Variants in FAM227B observed in about 807,000 individuals in gnomAD.
FAM227B encodes protein FAM227B.
FAM227B carries 88 observed loss-of-function variants against 73.8 expected under a neutral mutation model. That is an observed-to-expected ratio of 1.19 (90% CI 1.00 to 1.42). The LOEUF (loss-of-function observed/expected upper bound fraction) is 1.42. Among genes scored for constraint, FAM227B ranks in the 40% most tolerant of loss-of-function variants. FAM227B has a pLI of 0.00. For synonymous variants in FAM227B, 210 were observed against 190.5 expected (o/e 1.10, Z -0.84); for missense variants, 632 against 590.9 (o/e 1.07, Z -0.72).
intron 13 of FAM227B, among the ~76,000 whole-genome samples, chr15:49,347,025 A>G (rs2041604759): frequency 6.6e-6 from 1 of 152,266 alleles, no homozygotes; most frequent in Non-Finnish European, 1.5e-5. Flanking sequence ...AGGAAATAAC[A>G]TCATTGTTGG....
chr15:49,341,313 A>C (rs572994497), intron 13 of FAM227B, among the ~76,000 whole-genome samples: 1 of 152,310 alleles, frequency 6.6e-6, no homozygotes, highest in Non-Finnish European at 1.5e-5. Flanking sequence ...ATTGGATAGA[A>C]ATAGCATTGA....
intron 11 of FAM227B, among the ~76,000 whole-genome samples, chr15:49,387,889 AAAAT>A (rs775784351): frequency 6.6e-5 from 10 of 151,798 alleles, no homozygotes; most frequent in Non-Finnish European, 1.5e-4. Context: ...CAAAAAGGAA[AAAAT>A]AAATAAAATA....
At chr15:49,545,944 A>ATTCTT (rs1555532175) in intron 9 of FAM227B, among the ~76,000 whole-genome samples, 2 of 125,102 alleles carry the variant, frequency 1.6e-5, no homozygotes, top group Non-Finnish European at 3.2e-5. Flanking sequence ...AGGAGTAGCT[A>ATTCTT]TTTTTTTTTT....
chr15:49,377,652 T>A (rs1272512743), intron 11 of FAM227B, among the ~76,000 whole-genome samples: 1 of 152,178 alleles, frequency 6.6e-6, no homozygotes, highest in Non-Finnish European at 1.5e-5. Flanking sequence ...CATTTGTACG[T>A]CTTCTTTTGA....
At chr15:49,522,184 A>T (rs1192228732) in intron 10 of FAM227B, among the ~76,000 whole-genome samples, 1 of 152,198 alleles carries the variant, frequency 6.6e-6, no homozygotes, top group East Asian at 1.9e-4. Context: ...TAAGCAAGGA[A>T]CCCGTAACAG....
At chr15:49,420,823 A>G (rs922262295) in intron 11 of FAM227B, among the ~76,000 whole-genome samples, 3 of 152,142 alleles carry the variant, frequency 2.0e-5, no homozygotes, top group Non-Finnish European at 2.9e-5. Context: ...TTCCTGCCTC[A>G]GCCTCCCGAG....
Position 49,355,746 on chromosome 15 carries a change from A to G in FAM227B, c.1271+11702T>C, listed in dbSNP as rs566259270. Among the ~76,000 whole-genome samples, 18 of 151,568 alleles carry G rather than the reference A, an allele frequency of 1.2e-4. 1 individual carries two copies. In the South Asian group the frequency reaches 3.3e-3, roughly 28 times the overall value. On this transcript the variant is annotated intron_variant, in intron 13 of 15. Coordinates refer to ENST00000299338, the MANE Select transcript of FAM227B (RefSeq NM_152647.3). ...ATTCAGGAAATACAGAGAACACCACAAAGATACTCCTCGAGAAGAGCAACT... is the reference window on the plus strand; with the variant it reads ...ATTCAGGAAATACAGAGAACACCACGAAGATACTCCTCGAGAAGAGCAACT...
At chr15:49,547,755 A>G (rs1353326898) in intron 9 of FAM227B, among the ~76,000 whole-genome samples, 1 of 152,252 alleles carries the variant, frequency 6.6e-6, no homozygotes, top group Non-Finnish European at 1.5e-5. Flanking sequence ...TAAAGCAATC[A>G]GTCCAACAGG....
intron 13 of FAM227B, among the ~76,000 whole-genome samples, chr15:49,337,484 A>AAAAG: frequency 3.6e-5 from 1 of 28,148 alleles, no homozygotes; most frequent in Non-Finnish European, 8.9e-5. Flanking sequence ...GACACTTGCA[A>AAAAG]TGTCTGTTCA....
At chr15:49,340,658 T>C (rs1181029627) in intron 13 of FAM227B, among the ~76,000 whole-genome samples, 1 of 152,220 alleles carries the variant, frequency 6.6e-6, no homozygotes, top group East Asian at 1.9e-4. Context: ...AGATTCTGGA[T>C]ATAAGAACTT....
intron 9 of FAM227B, among the ~76,000 whole-genome samples, chr15:49,556,363 G>A (rs1336063167): frequency 3.9e-5 from 6 of 152,162 alleles, no homozygotes; most frequent in Non-Finnish European, 7.3e-5. Flanking sequence ...GCACTCCTGG[G>A]CAGGGTGCTC....
chr15:49,548,801 G>A (rs1242940503), intron 9 of FAM227B, among the ~76,000 whole-genome samples: 3 of 152,078 alleles, frequency 2.0e-5, no homozygotes, highest in Non-Finnish European at 4.4e-5. Context: ...TAATTTATTG[G>A]CATACAGTTG....
At position 49,519,821 on chromosome 15, in the gene FAM227B, T is replaced by G. The variant is rs554364206; in HGVS notation, c.875-11473A>C. On this transcript the variant is annotated intron_variant, in intron 10 of 15. Transcript: ENST00000299338. ...CAATTAACAGTTGGCTCCTCATTAC[T>G]TATGCAAATTTCTGCAGCTGGTTTG... Among the ~76,000 whole-genome samples, 470 of 152,332 alleles carry G rather than the reference T, an allele frequency of 3.1e-3. 1 individual carries two copies. The highest frequency in any genetic ancestry group is 0.018 in the South Asian group (86 of 4,830).
At chr15:49,602,083 T>C (rs1263650559) in intron 3 of FAM227B, among the ~76,000 whole-genome samples, 1 of 152,210 alleles carries the variant, frequency 6.6e-6, no homozygotes, top group Non-Finnish European at 1.5e-5. Flanking sequence ...TTAGCTATTG[T>C]GAACAGTGCT....
chr15:49,584,641 A>C (rs1392952170), intron 5 of FAM227B, among the ~76,000 whole-genome samples: 1 of 152,194 alleles, frequency 6.6e-6, no homozygotes, highest in Non-Finnish European at 1.5e-5. Flanking sequence ...CCTTAAGCTG[A>C]TAAACAACTT....
chr15:49,552,398 T>C (rs2073139375), intron 9 of FAM227B, among the ~76,000 whole-genome samples: 1 of 152,180 alleles, frequency 6.6e-6, no homozygotes, highest in African/African-American at 2.4e-5. Flanking sequence ...TTTATCTTGC[T>C]GCTCTCAGGT....
intron 13 of FAM227B, among the ~76,000 whole-genome samples, chr15:49,345,501 A>AT (rs2041345437): frequency 1.3e-5 from 2 of 152,156 alleles, no homozygotes; most frequent in Admixed American, 1.3e-4. Context: ...ATAACTATAA[A>AT]TTTTTTCCGA....
chr15:49,604,838 T>C (rs1385218635), intron 3 of FAM227B, among the ~76,000 whole-genome samples: 2 of 152,018 alleles, frequency 1.3e-5, no homozygotes, highest in African/African-American at 4.8e-5. Context: ...TGAAGCTTTC[T>C]ATGGAATTTT....
intron 11 of FAM227B, among the ~76,000 whole-genome samples, chr15:49,396,717 G>A (rs1596861796): frequency 2.0e-5 from 3 of 149,486 alleles, no homozygotes; most frequent in African/African-American, 4.8e-5. Flanking sequence ...TAACTGGGAG[G>A]CACCCCCCAG....
Sources: gnomAD v4.1 joint callset for allele counts (sites outside exome capture counted in the v4.1 genomes callset) on GRCh38, gnomAD v4.1.1 for gene constraint, MANE v1.5 for transcripts, NCBI Gene and HGNC (gene_info 2026-07-23, HGNC 2026-07-21) for gene names.